The following MYH4 variants were observed in gnomAD, a reference collection of about 807,000 sequenced individuals.
The protein encoded by MYH4 is myosin-4.
A neutral mutation model predicts 229.9 loss-of-function variants in MYH4; 200 were observed. The ratio of observed to expected loss-of-function variants is 0.87; its 90% CI spans 0.78 to 0.98. MYH4 has a LOEUF of 0.98. Ranked by LOEUF, MYH4 falls within the 50% of genes least tolerant of loss-of-function variation. The probability of loss-of-function intolerance (pLI) is 0.00; values close to 1 mark genes in which losing one functional copy is unlikely to be tolerated. For synonymous variants in MYH4, 761 were observed against 834.6 expected (o/e 0.91, Z 1.52); for missense variants, 2,148 against 2,332.6 (o/e 0.92, Z 1.63).
At position 10,447,090 on chromosome 17, in the gene MYH4, G is replaced by A. The variant is rs151306433; in HGVS notation, c.5092C>T (p.Arg1698Trp). The A allele has an allele frequency of 4.8e-4, 782 of 1,613,948 alleles. 1 individual carries two copies. Among genetic ancestry groups the A allele is most frequent in the Non-Finnish European group, 6.0e-4 (709 of 1,180,022 alleles). ...EVEELRASLERTERGRKMAEQ... is the reference protein window; with the variant it reads ...EVEELRASLEWTERGRKMAEQ... ...GCCATTTTCCTGCCTCTCTCAGTCC[G>A]TTCCAGGGATGCCCTGAGCTCTTCA... is the stretch of plus-strand genomic sequence containing the variant. Residue 1698 changes from arginine to tryptophan, a missense_variant, in exon 35 of 40, where the codon CGG (arginine) becomes TGG (tryptophan). Transcript: ENST00000255381.
rs375571378 is a variant in MYH4 at position 10,447,166 on chromosome 17, C to T, written c.5016G>A (p.Lys1672=). 9.3e-6 allele frequency: 15 copies of T among 1,614,012 alleles called. No individual in the cohort carries two copies. In the African/African-American group the frequency reaches 1.9e-4, roughly 20 times the overall value. Residue 1672 remains lysine (K), a synonymous_variant, in exon 35 of 40, where the codon AAG becomes AAA. Transcript: ENST00000255381. ...TGCGCTCAACCATTGCCAGTTGTTCCTTAAGGTCATCTTGGCCTCTGATGG... is the reference window on the plus strand; with the variant it reads ...TGCGCTCAACCATTGCCAGTTGTTCTTTAAGGTCATCTTGGCCTCTGATGG... ...DDAIRGQDDL[K]EQLAMVERRA... is the part of the protein sequence containing the mutation.
chr17:10,443,732 C>T lies in MYH4; in HGVS notation c.5668-205G>A, dbSNP rs144195802. 6.8e-3 allele frequency among the ~76,000 whole-genome samples: 1,029 copies of T among 152,142 alleles called. 18 individuals carry two copies. The highest frequency in any genetic ancestry group is 0.045 in the East Asian group (234 of 5,170). ...GGTCAGGAATTCGAGACCAGCCTGG[C>T]CAACATGGTGAAACCCCCATCTTTA... On this transcript the variant is annotated intron_variant, in intron 39 of 39. Transcript: ENST00000255381. The surrounding 1 kb of genome is among the most constrained non-coding windows in gnomAD (Gnocchi z 4.6).
rs141666536 is a variant in MYH4, at chr17:10,443,494, G to A, written c.5701C>T (p.Arg1901Cys). 248 of 1,613,936 alleles carry A rather than the reference G, an allele frequency of 1.5e-4. 1 individual carries two copies. The highest frequency in any genetic ancestry group is 1.3e-3 in the Middle Eastern group (8 of 6,062). Reference protein sequence around the residue: ...EQSNVNLAKFRKLQHELEEAK... With the variant: ...EQSNVNLAKFCKLQHELEEAK... ...TCCTCCAGCTCGTGCTGGAGCTTGC[G>A]GAACTTGGCAAGGTTGACATTGGAT... Residue 1901 changes from arginine (R) to cysteine (C), a missense_variant, in exon 40 of 40, where the codon CGC becomes TGC. Coordinates refer to ENST00000255381, the MANE Select transcript of MYH4 (RefSeq NM_017533.2). This position sits in a 1 kb window ranked among gnomAD's most constrained non-coding sequence, Gnocchi z 4.6.
chr17:10,448,604 T>G lies in MYH4; in HGVS notation c.4531+14A>C. 6.2e-7 allele frequency: 1 copy of G among 1,612,474 alleles called. No individual in the cohort carries two copies. The highest frequency in any genetic ancestry group is 2.2e-5 in the East Asian group (1 of 44,882). ...CCCTACCATTTTTGAAATAGAATGATTACAGTGACTCACGTTGTAAGTTCT... is the reference window on the plus strand; with the variant it reads ...CCCTACCATTTTTGAAATAGAATGAGTACAGTGACTCACGTTGTAAGTTCT... On this transcript the variant is annotated intron_variant, in intron 32 of 39. Coordinates refer to ENST00000255381, the MANE Select transcript of MYH4 (RefSeq NM_017533.2).
intron 4 of MYH4, 129 bp from the exon 5 acceptor site, chr17:10,465,727 G>T: frequency 1.7e-6 from 2 of 1,158,990 alleles, no homozygotes; most frequent in South Asian, 1.9e-5. Flanking sequence ...TTCATTTGTT[G>T]CCTCCTTCCA....
chr17:10,451,017 T>C, intron 28 of MYH4, 122 bp from the exon 29 acceptor site: 1 of 894,932 alleles, frequency 1.1e-6, no homozygotes. Flanking sequence ...AGATTTTCAG[T>C]GATGTTGAGA....
At chr17:10,445,191 C>T in intron 36 of MYH4, 45 bp from the exon 37 acceptor site, 1 of 1,614,170 alleles carries the variant, frequency 6.2e-7, no homozygotes, top group East Asian at 2.2e-5. Context: ...CTGATGATAG[C>T]AGGCAGCATG....
At chr17:10,461,101 G>A (rs2072697304) in intron 11 of MYH4, 47 bp from the exon 12 acceptor site, 1 of 1,605,880 alleles carries the variant, frequency 6.2e-7, no homozygotes, top group South Asian at 1.1e-5. Context: ...CACCATGGAA[G>A]AATCCCTCAG....
At position 10,450,450 on chromosome 17, in the gene MYH4, T is replaced by C. The variant is rs1471058365; in HGVS notation, c.4181+3A>G. The stretch of plus-strand genomic sequence containing the variant: ...CCTGCTCCCCTGCACTAAAAGCACA[T>C]ACTTGGCCTCCTCCAGCTCCTCTGT... On this transcript the variant is annotated splice_donor_region_variant and intron_variant, in intron 30 of 39. Transcript: ENST00000255381. 2 of 1,613,978 alleles carry C rather than the reference T, an allele frequency of 1.2e-6. No individual in the cohort carries two copies. Among genetic ancestry groups the C allele is most frequent in the Non-Finnish European group, 1.7e-6 (2 of 1,179,884 alleles).
chr17:10,445,845 G>A (rs1421268956), intron 35 of MYH4, among the ~76,000 whole-genome samples: 6 of 151,848 alleles, frequency 4.0e-5, no homozygotes, highest in Non-Finnish European at 8.8e-5. Flanking sequence ...TGGCTAACAC[G>A]GTGAAACCCC....
chr17:10,450,488 G>A lies in MYH4; in HGVS notation c.4146C>T (p.Asp1382=), dbSNP rs376535137. The change falls in exon 30 of 40, where the codon GAC becomes GAT. Residue 1382 remains aspartate (D), a synonymous_variant. Coordinates refer to ENST00000255381, the MANE Select transcript of MYH4 (RefSeq NM_017533.2). The part of the protein sequence containing the change: ...VAQWRTKYET[D]AIQRTEELEE... ...CCAGCTCCTCTGTGCGCTGGATGGC[G>A]TCCGTCTCGTACTTGGTCCTCCACT... is the stretch of plus-strand genomic sequence containing the variant. 9.4e-5 allele frequency: 152 copies of A among 1,613,978 alleles called. No homozygotes were observed. Among genetic ancestry groups the A allele is most frequent in the South Asian group, 4.4e-4 (40 of 91,080 alleles).
rs897886586 is a variant in MYH4 at position 10,460,245 on chromosome 17, C to A, written c.1224G>T (p.Lys408Asn). Residue 408 changes from lysine to asparagine, a missense_variant, in exon 13 of 40, where the codon AAG becomes AAT. Coordinates refer to ENST00000255381, the MANE Select transcript of MYH4 (RefSeq NM_017533.2). ...CTTTGGTTACGAACTCATTGCCGAC[C>A]TTGACTCTGGGATAGCAGAGAGATT... Reference protein sequence around the residue: ...LLKSLCYPRVKVGNEFVTKGQ... With the variant: ...LLKSLCYPRVNVGNEFVTKGQ... The A allele has an allele frequency of 1.2e-5, 19 of 1,613,964 alleles. No individual in the cohort carries two copies. The highest frequency in any genetic ancestry group is 1.7e-5 in the Admixed American group (1 of 59,996).
In MYH4 at chr17:10,464,684, A is replaced by G. The variant is rs760832668; in HGVS notation, c.530T>C (p.Ile177Thr). The G allele has an allele frequency of 1.9e-6, 3 of 1,613,780 alleles. No individual in the cohort carries two copies. In the African/African-American group the frequency reaches 4.0e-5, roughly 22 times the overall value. Reference protein sequence around the residue: ...LTDRENQSILITGESGAGKTV... With the variant: ...LTDRENQSILTTGESGAGKTV... ...GAAAGTAACGAAATCTACATACGTAATCAAGATTGACTGGTTTTCACGATC... is the reference window on the plus strand; with the variant it reads ...GAAAGTAACGAAATCTACATACGTAGTCAAGATTGACTGGTTTTCACGATC... Residue 177 changes from isoleucine (I) to threonine (T), a missense_variant, in exon 6 of 40, where the codon ATT (isoleucine) becomes ACT (threonine). Physicochemically the swap from Ile to Thr is moderately conservative, Grantham distance 89. Coordinates refer to ENST00000255381, the MANE Select transcript of MYH4 (RefSeq NM_017533.2).
Position 10,454,572 on chromosome 17 carries a change from G to C in MYH4, c.2674C>G (p.Gln892Glu), listed in dbSNP as rs952771983. The change falls in exon 22 of 40, where the codon CAA becomes GAA. Residue 892 changes from glutamine to glutamate, a missense_variant. By Grantham distance (29) the Gln-to-Glu change is conservative. Transcript: ENST00000255381. ...VTLMQEKNDL[Q>E]LQVQAEADAL... Reference sequence around the variant, plus strand: ...ATACTTACAGCTTGAACTTGGAGTTGTAAGTCATTTTTCTCTTGCATTAGC... The same window carrying C: ...ATACTTACAGCTTGAACTTGGAGTTCTAAGTCATTTTTCTCTTGCATTAGC... 6.2e-7 allele frequency: 1 copy of C among 1,613,812 alleles called. No homozygotes were observed. The highest frequency in any genetic ancestry group is 1.7e-4 in the Middle Eastern group (1 of 6,060).
Position 10,453,200 on chromosome 17 carries a change from G to A in MYH4, c.3063C>T (p.Val1021=). ...LDDLQMEEDK[V]NTLTKAKTKL... ...TGGTTTTAGCTTTGGTCAGGGTGTTGACTTTGTCCTCCTCCATCTGCAGGT... is the reference window on the plus strand; with the variant it reads ...TGGTTTTAGCTTTGGTCAGGGTGTTAACTTTGTCCTCCTCCATCTGCAGGT... The change falls in exon 24 of 40, where the codon GTC becomes GTT. Residue 1021 remains valine, a synonymous_variant. Coordinates refer to ENST00000255381, the MANE Select transcript of MYH4 (RefSeq NM_017533.2). The A allele has an allele frequency of 6.2e-7, 1 of 1,614,060 alleles. No homozygotes were observed. The highest frequency in any genetic ancestry group is 8.5e-7 in the Non-Finnish European group (1 of 1,180,016).
intron 15 of MYH4, among the ~76,000 whole-genome samples, chr17:10,458,418 T>C (rs547589983): frequency 6.6e-6 from 1 of 152,310 alleles, no homozygotes; most frequent in African/African-American, 2.4e-5. Context: ...TTTTCATGAA[T>C]AGTAGAGATA....
At chr17:10,449,107 T>G in intron 30 of MYH4, 60 bp from the exon 31 acceptor site, 1 of 1,445,896 alleles carries the variant, frequency 6.9e-7, no homozygotes, top group Non-Finnish European at 9.5e-7. Context: ...CAGTGCCCTT[T>G]ATAAAGCTGC....
At position 10,452,084 on chromosome 17, in the gene MYH4, T is replaced by A; in HGVS notation, c.3595A>T (p.Lys1199Ter). The part of the protein sequence containing the change: ...HEATAAALRK[K>*]HADSVAELGE... The stretch of plus-strand genomic sequence containing the variant: ...AGCTCAGCCACACTATCTGCGTGCT[T>A]CTTCCGAAGAGCAGCTGCCGTGGCT... Residue 1199 changes from lysine to a stop codon, truncating the protein, a stop_gained, in exon 27 of 40, where the codon AAG becomes TAG. Transcript: ENST00000255381. LOFTEE classifies it high-confidence loss of function. 1 of 1,613,990 alleles carries A rather than the reference T, an allele frequency of 6.2e-7. No homozygotes were observed. Among genetic ancestry groups the A allele is most frequent in the Non-Finnish European group, 8.5e-7 (1 of 1,179,942 alleles).
In MYH4 at chr17:10,466,777, A is replaced by G. The variant is rs1454749736; in HGVS notation, c.-32T>C. ...AGGTTATTGATGGCAGTACTGGACT[A>G]GGTATACCTAGAGGAAGAAACAGAG... On this transcript the variant is annotated 5_prime_UTR_variant, in exon 3 of 40. Coordinates refer to ENST00000255381, the MANE Select transcript of MYH4 (RefSeq NM_017533.2). 6.2e-7 allele frequency: 1 copy of G among 1,612,126 alleles called. No homozygotes were observed. Among genetic ancestry groups the G allele is most frequent in the Admixed American group, 1.7e-5 (1 of 59,990 alleles).
Sources: allele counts gnomAD v4.1 joint callset (sites outside exome capture counted in the v4.1 genomes callset), GRCh38; gene constraint gnomAD v4.1.1; non-coding constraint Gnocchi (gnomAD v3.1); transcripts MANE v1.5; gene names NCBI Gene and HGNC (gene_info 2026-07-23, HGNC 2026-07-21).